NCKAP5: variants seen among roughly 807,000 people sequenced by gnomAD.
NCKAP5 encodes the protein nck-associated protein 5.
A neutral mutation model predicts 167.0 loss-of-function variants in NCKAP5; 92 were observed. The observed-to-expected ratio is 0.55, with a 90% CI of 0.47 to 0.66. NCKAP5 has a LOEUF of 0.66. NCKAP5 is among the 30% of genes least tolerant of loss of function. The pLI is 0.00. For synonymous variants in NCKAP5, 891 were observed against 877.4 expected (o/e 1.02, Z -0.27); for missense variants, 2,378 against 2,315.0 (o/e 1.03, Z -0.56).
chr2:133,489,017 A>G (rs1201326534), intron 3 of NCKAP5, among the ~76,000 whole-genome samples: 2 of 152,134 alleles, frequency 1.3e-5, no homozygotes, highest in Non-Finnish European at 2.9e-5. Context: ...TGAGACTAGG[A>G]GTTTGAGGCT....
At chr2:133,121,851 G>T (rs535760611) in intron 6 of NCKAP5, 82 of 152,212 alleles carry the variant, frequency 5.4e-4, no homozygotes, top group African/African-American at 1.9e-3. Flanking sequence ...ACAGGTGAAT[G>T]AATAAACAAA....
At chr2:132,770,221 T>A (rs1178575803) in intron 16 of NCKAP5, among the ~76,000 whole-genome samples, 1 of 152,028 alleles carries the variant, frequency 6.6e-6, no homozygotes, top group Non-Finnish European at 1.5e-5. Flanking sequence ...AATACAAATA[T>A]GTGGCCGAAA....
chr2:133,512,461 A>G (rs1269610594), intron 3 of NCKAP5, among the ~76,000 whole-genome samples: 1 of 152,214 alleles, frequency 6.6e-6, no homozygotes, highest in African/African-American at 2.4e-5. Context: ...TGTCTTTGTA[A>G]TTAAAGTGTT....
intron 5 of NCKAP5, among the ~76,000 whole-genome samples, chr2:133,204,942 TA>T: frequency 6.6e-6 from 1 of 152,284 alleles, no homozygotes; most frequent in South Asian, 2.1e-4. Flanking sequence ...ATCCAAAATT[TA>T]CTTTTGGCCA....
intron 6 of NCKAP5, among the ~76,000 whole-genome samples, chr2:133,090,647 T>C (rs1238898917): frequency 2.0e-5 from 3 of 152,162 alleles, no homozygotes; most frequent in East Asian, 1.9e-4. Context: ...TCTGTGGTAA[T>C]TGGTTATAGC....
At chr2:133,578,435 TC>T in the NCKAP5 span, among the ~76,000 whole-genome samples, 2 of 152,200 alleles carry the variant, frequency 1.3e-5, no homozygotes, top group African/African-American at 4.8e-5. Context: ...ACTGCATGGG[TC>T]CCTTGTCGGG....
intron 3 of NCKAP5, among the ~76,000 whole-genome samples, chr2:133,316,076 A>T (rs1392538658): frequency 1.3e-5 from 2 of 152,164 alleles, no homozygotes; most frequent in African/African-American, 4.8e-5. Context: ...TAATTTTAAC[A>T]AGAACTTGTA....
At chr2:132,707,553 C>A (rs1030376323) in intron 19 of NCKAP5, among the ~76,000 whole-genome samples, 4 of 152,104 alleles carry the variant, frequency 2.6e-5, no homozygotes, top group African/African-American at 9.7e-5. Context: ...GCGTACATCA[C>A]CCTCCCCCAA....
intron 3 of NCKAP5, among the ~76,000 whole-genome samples, chr2:133,358,676 G>C (rs1168220765): frequency 6.6e-6 from 1 of 152,136 alleles, no homozygotes; most frequent in East Asian, 1.9e-4. Context: ...GGAGTTTCCA[G>C]AAAGTAACAT....
chr2:133,173,668 T>C (rs1490988088), intron 5 of NCKAP5, among the ~76,000 whole-genome samples: 1 of 152,214 alleles, frequency 6.6e-6, no homozygotes, highest in East Asian at 1.9e-4. Context: ...TGAGCCTGAA[T>C]TGAGTTCTAT....
chr2:133,307,005 C>G (rs1680826485), intron 3 of NCKAP5, among the ~76,000 whole-genome samples: 1 of 152,186 alleles, frequency 6.6e-6, no homozygotes, highest in East Asian at 1.9e-4. Flanking sequence ...GTTCACTATT[C>G]CTAACACATA....
intron 3 of NCKAP5, among the ~76,000 whole-genome samples, chr2:133,397,741 A>G (rs1370834465): frequency 2.0e-5 from 3 of 152,210 alleles, no homozygotes; most frequent in Non-Finnish European, 4.4e-5. Flanking sequence ...CTGTTTTAAT[A>G]TAAGTCTGAA....
chr2:133,024,117 T>C (rs1573776457), intron 6 of NCKAP5, among the ~76,000 whole-genome samples: 1 of 152,226 alleles, frequency 6.6e-6, no homozygotes, highest in Admixed American at 6.5e-5. Context: ...TAGAATTGTG[T>C]GTACTTCACA....
intron 5 of NCKAP5, among the ~76,000 whole-genome samples, chr2:133,152,958 G>A (rs184812304): frequency 6.6e-6 from 1 of 152,270 alleles, no homozygotes; most frequent in African/African-American, 2.4e-5. Flanking sequence ...GTAGCACTAG[G>A]TCTGTGTAAG....
At chr2:133,599,735 T>A in the NCKAP5 span, among the ~76,000 whole-genome samples, 1 of 152,328 alleles carries the variant, frequency 6.6e-6, no homozygotes, top group South Asian at 2.1e-4. Context: ...CCGAAGCCCT[T>A]CTTGCCCTCC....
At chr2:133,617,762 C>T in the NCKAP5 span, among the ~76,000 whole-genome samples, 6 of 151,396 alleles carry the variant, frequency 4.0e-5, no homozygotes, top group African/African-American at 1.2e-4. Flanking sequence ...CCATCCCCAT[C>T]AAGCTACCAA....
the NCKAP5 span, among the ~76,000 whole-genome samples, chr2:133,656,895 T>C: frequency 1.3e-5 from 2 of 152,126 alleles, no homozygotes; most frequent in African/African-American, 4.8e-5. Flanking sequence ...CATTGCACCA[T>C]ATTTGTAGTC....
chr2:133,155,115 C>A (rs1437908653), intron 5 of NCKAP5, among the ~76,000 whole-genome samples: 2 of 152,204 alleles, frequency 1.3e-5, no homozygotes, highest in Non-Finnish European at 2.9e-5. Flanking sequence ...TCTCTACTCT[C>A]TCCCACTCTG....
At chr2:132,802,404 C>G (rs1558799269) in intron 11 of NCKAP5, among the ~76,000 whole-genome samples, 1 of 152,192 alleles carries the variant, frequency 6.6e-6, no homozygotes, top group Non-Finnish European at 1.5e-5. Context: ...CTGTTCTCAC[C>G]TCACAGCTTC....
Sources: gnomAD v4.1 joint callset for allele counts (sites outside exome capture counted in the v4.1 genomes callset) on GRCh38, gnomAD v4.1.1 for gene constraint, MANE v1.5 for transcripts, NCBI Gene and HGNC (gene_info 2026-07-23, HGNC 2026-07-21) for gene names.